GPR176: variants seen among roughly 807,000 people sequenced by gnomAD.
GPR176 encodes the protein G protein-coupled receptor 176, also known as G-protein coupled receptor 176.
GPR176 carries 26 observed loss-of-function variants against 35.4 expected under a neutral mutation model. That is an observed-to-expected ratio of 0.74 (90% CI 0.54 to 1.02). The LOEUF is 1.02. Ranked by LOEUF, GPR176 falls within the 50% of genes least tolerant of loss-of-function variation. The pLI is 0.00. For synonymous variants in GPR176, 278 were observed against 271.3 expected (o/e 1.02, Z -0.24); for missense variants, 597 against 665.3 (o/e 0.90, Z 1.13).
chr15:39,869,155 A>T lies in GPR176; in HGVS notation c.172+50700T>A, dbSNP rs1308396969. Among the ~76,000 whole-genome samples, 25 of 34,876 alleles carry T rather than the reference A, an allele frequency of 7.2e-4. No individual in the cohort carries two copies. In the South Asian group the frequency reaches 7.7e-3, roughly 11 times the overall value. The allele number at this position is 34,876 out of a possible 152,430, so 22.9% of individuals were successfully genotyped here. The stretch of plus-strand genomic sequence containing the variant: ...CTTCATTCCCACAACTGCTTTTTAA[A>T]AAAAAAAAAAAAAAAAAAAGAACAC... On this transcript the variant is annotated intron_variant, in intron 1 of 2. Coordinates refer to ENST00000561100, the MANE Select transcript of GPR176 (RefSeq NM_007223.3).
rs967632189 is a variant in GPR176 at position 39,849,526 on chromosome 15, G to A, written c.173-42268C>T. Among the ~76,000 whole-genome samples, 8 of 152,144 alleles carry A rather than the reference G, an allele frequency of 5.3e-5. No individual in the cohort carries two copies. The South Asian group carries it at 1.7e-3, about 32-fold the overall frequency. On this transcript the variant is annotated intron_variant, in intron 1 of 2. Transcript: ENST00000561100. The stretch of plus-strand genomic sequence containing the variant: ...GAATAGTTACACAAAAAGTCTTAAC[G>A]AAAGATTAGCTAATAGAATTCAACA...
At chr15:39,807,411 T>C (rs752632235) in intron 1 of GPR176, among the ~76,000 whole-genome samples, 153 bp from the exon 2 acceptor site, 1 of 152,186 alleles carries the variant, frequency 6.6e-6, no homozygotes, top group Non-Finnish European at 1.5e-5. Context: ...TTAACATATA[T>C]GATACATTAC....
At chr15:39,862,792 C>A (rs1367458963) in intron 1 of GPR176, among the ~76,000 whole-genome samples, 2 of 152,080 alleles carry the variant, frequency 1.3e-5, no homozygotes, top group Admixed American at 1.3e-4. Flanking sequence ...TACTATGGTA[C>A]TTTTTGCTTA....
chr15:39,880,256 G>A lies in GPR176; in HGVS notation c.172+39599C>T, dbSNP rs117748169. Among the ~76,000 whole-genome samples the A allele has an allele frequency of 2.8e-3, 429 of 152,272 alleles. 5 individuals carry two copies. The highest frequency in any genetic ancestry group is 0.027 in the East Asian group (139 of 5,184). On this transcript the variant is annotated intron_variant, in intron 1 of 2. Coordinates refer to ENST00000561100, the MANE Select transcript of GPR176 (RefSeq NM_007223.3). Reference sequence around the variant, plus strand: ...CATTCCTCTGCATCCAGTGGACACTGTCTGGTCTCTCCCTGCTGGGTCTGA... The same window carrying A: ...CATTCCTCTGCATCCAGTGGACACTATCTGGTCTCTCCCTGCTGGGTCTGA...
At chr15:39,833,606 T>C (rs753512556) in intron 1 of GPR176, among the ~76,000 whole-genome samples, 22 of 152,174 alleles carry the variant, frequency 1.4e-4, no homozygotes, top group Admixed American at 2.6e-4. Context: ...TTTGTAAATA[T>C]GCTAAAAACC....
At chr15:39,802,360 A>G in intron 2 of GPR176, 106 bp from the exon 3 acceptor site, 1 of 915,926 alleles carries the variant, frequency 1.1e-6, no homozygotes, top group South Asian at 1.8e-5. Flanking sequence ...AAGTTCTTCT[A>G]TTCGGCCTAA....
At chr15:39,875,271 G>A (rs2032199349) in intron 1 of GPR176, among the ~76,000 whole-genome samples, 1 of 152,122 alleles carries the variant, frequency 6.6e-6, no homozygotes, top group Non-Finnish European at 1.5e-5. Flanking sequence ...TTTTGAGCCT[G>A]ATAAAAGCAA....
At chr15:39,822,090 C>T (rs927919125) in intron 1 of GPR176, among the ~76,000 whole-genome samples, 2 of 152,198 alleles carry the variant, frequency 1.3e-5, no homozygotes, top group South Asian at 2.1e-4. Flanking sequence ...GGAACTGGGG[C>T]CTCCTGCCAA....
At chr15:39,907,487 C>G (rs3959527) in intron 1 of GPR176, among the ~76,000 whole-genome samples, 2,488 of 152,294 alleles carry the variant, frequency 0.016, 71 homozygotes, top group African/African-American at 0.057. Flanking sequence ...CCATCTAAAC[C>G]AGAAAACATG....
chr15:39,802,003 A>G lies in GPR176; in HGVS notation c.677T>C (p.Ile226Thr). 6.2e-7 allele frequency: 1 copy of G among 1,614,096 alleles called. No individual in the cohort carries two copies. Among genetic ancestry groups the G allele is most frequent in the Middle Eastern group, 1.6e-4 (1 of 6,062 alleles). Residue 226 changes from isoleucine to threonine, a missense_variant, in exon 3 of 3, where the codon ATA becomes ACA. Transcript: ENST00000561100. ...VPVVVVFLFL[I>T]LIRRALSASQ... ...GGCACTCAGGGCCCGTCGGATCAGT[A>G]TCAAGAAGAGGAACACCACCACCAC...
At chr15:39,825,260 A>C (rs1900559298) in intron 1 of GPR176, among the ~76,000 whole-genome samples, 1 of 152,144 alleles carries the variant, frequency 6.6e-6, no homozygotes, top group Non-Finnish European at 1.5e-5. Context: ...CTGAAATCCC[A>C]CCATCTTAAG....
chr15:39,893,284 G>C (rs897766989), intron 1 of GPR176, among the ~76,000 whole-genome samples: 1 of 152,074 alleles, frequency 6.6e-6, no homozygotes, highest in Non-Finnish European at 1.5e-5. Context: ...GGGTACTTGA[G>C]ATTAGGGAGT....
intron 2 of GPR176, among the ~76,000 whole-genome samples, chr15:39,805,100 ATC>A (rs1177490376): frequency 6.6e-6 from 1 of 152,230 alleles, no homozygotes; most frequent in East Asian, 1.9e-4. Context: ...TGTAAATTAT[ATC>A]TCAGTCCAGA....
chr15:39,845,558 A>T (rs2030359817), intron 1 of GPR176, among the ~76,000 whole-genome samples: 1 of 151,806 alleles, frequency 6.6e-6, no homozygotes, highest in Non-Finnish European at 1.5e-5. Context: ...CCACACTCAG[A>T]CGCTTGATTT....
intron 1 of GPR176, among the ~76,000 whole-genome samples, chr15:39,808,941 G>T (rs989856998): frequency 6.6e-6 from 1 of 152,136 alleles, no homozygotes; most frequent in Non-Finnish European, 1.5e-5. Flanking sequence ...AGGCACGTTG[G>T]TACAGTTGGC....
chr15:39,866,111 G>C (rs540372584), intron 1 of GPR176, among the ~76,000 whole-genome samples: 1 of 151,978 alleles, frequency 6.6e-6, no homozygotes, highest in Admixed American at 6.6e-5. Context: ...AGAATATATG[G>C]TATGCTATTT....
intron 1 of GPR176, among the ~76,000 whole-genome samples, chr15:39,817,119 C>G (rs1899971065): frequency 6.9e-6 from 1 of 144,648 alleles, no homozygotes; most frequent in Non-Finnish European, 1.5e-5. Flanking sequence ...AGACATGTTC[C>G]CAGTAGGTAG....
chr15:39,891,892 T>C (rs1168010216), intron 1 of GPR176, among the ~76,000 whole-genome samples: 6 of 152,176 alleles, frequency 3.9e-5, no homozygotes, highest in Non-Finnish European at 8.8e-5. Flanking sequence ...GGTAGAAATG[T>C]TAAAACAAAG....
rs1898918555 is a variant in GPR176, at chr15:39,802,110, G to A, written c.570C>T (p.Ser190=). The A allele has an allele frequency of 6.2e-7, 1 of 1,614,028 alleles. No individual in the cohort carries two copies. Among genetic ancestry groups the A allele is most frequent in the South Asian group, 1.1e-5 (1 of 91,078 alleles). ...AGTTGCTCCAGACTTCCGTGCAGGT[G>A]GACGTGGCATAGATGTCAGCCACAT... The part of the protein sequence containing the change: ...VTNVADIYAT[S]TCTEVWSNSL... Residue 190 remains serine, a synonymous_variant, in exon 3 of 3, where the codon TCC becomes TCT. Coordinates refer to ENST00000561100, the MANE Select transcript of GPR176 (RefSeq NM_007223.3).
Sources: gnomAD v4.1 joint callset for allele counts (sites outside exome capture counted in the v4.1 genomes callset) on GRCh38, gnomAD v4.1.1 for gene constraint, MANE v1.5 for transcripts, NCBI Gene and HGNC (gene_info 2026-07-23, HGNC 2026-07-21) for gene names.